The following FBXO4 variants were observed in gnomAD, a reference collection of about 807,000 sequenced individuals.
FBXO4 encodes F-box protein 4.
Under a neutral mutation model 43.7 loss-of-function variants are expected in FBXO4, and 36 were observed. That is an observed-to-expected ratio of 0.82 (90% CI 0.63 to 1.09). The LOEUF (loss-of-function observed/expected upper bound fraction) is 1.09, where lower values mean the gene tolerates loss of function less well. Ranked by LOEUF, FBXO4 falls within the 50% of genes least tolerant of loss-of-function variation. The pLI is 0.00. For missense variants in FBXO4, 435 were observed against 474.1 expected (o/e 0.92, Z 0.77); for synonymous variants, 180 against 165.6 (o/e 1.09, Z -0.67).
In FBXO4 at chr5:41,939,448, A is replaced by G; in HGVS notation, c.906A>G (p.Glu302=). Residue 302 remains glutamate (E), a synonymous_variant, in exon 6 of 7, where the codon GAA becomes GAG. Coordinates refer to ENST00000281623, the MANE Select transcript of FBXO4 (RefSeq NM_012176.3). The stretch of plus-strand genomic sequence containing the variant: ...TTGACTTACATTCCTTAGGACATGA[A>G]TGGCAAGATGAATTTTCTCATATTA... ...VANAEAHKRH[E]WQDEFSHIMA... The G allele has an allele frequency of 6.2e-7, 1 of 1,609,310 alleles. No individual in the cohort carries two copies.
the FBXO4 span, among the ~76,000 whole-genome samples, chr5:41,974,503 A>T: frequency 6.6e-6 from 1 of 151,802 alleles, no homozygotes; most frequent in East Asian, 1.9e-4. Context: ...ATCTATTTTT[A>T]AGTTTACTAA....
the FBXO4 span, among the ~76,000 whole-genome samples, chr5:42,028,692 C>T: frequency 1.3e-5 from 2 of 150,822 alleles, no homozygotes; most frequent in South Asian, 4.2e-4. Context: ...TTTGTGTATC[C>T]AATGTATCTT....
the FBXO4 span, among the ~76,000 whole-genome samples, chr5:42,027,127 A>T: frequency 2.6e-5 from 4 of 151,856 alleles, no homozygotes; most frequent in African/African-American, 9.7e-5. Context: ...GATTGGTATT[A>T]GTTATTCTTA....
the FBXO4 span, among the ~76,000 whole-genome samples, chr5:41,948,963 G>T: frequency 2.0e-5 from 3 of 152,040 alleles, no homozygotes; most frequent in Admixed American, 2.0e-4. Context: ...TGACAAAAAC[G>T]ACATGATTAT....
chr5:41,971,603 CATAAATCATCTAG>C, the FBXO4 span, among the ~76,000 whole-genome samples: 2 of 151,952 alleles, frequency 1.3e-5, no homozygotes, highest in Admixed American at 1.3e-4. Context: ...TCCATAGGGT[CATAAATCATCTAG>C]TGTCCTCATC....
chr5:41,930,877 C>T (rs181311677), intron 3 of FBXO4, among the ~76,000 whole-genome samples: 15 of 152,178 alleles, frequency 9.9e-5, no homozygotes, highest in Admixed American at 5.9e-4. Flanking sequence ...AGGATGGTCT[C>T]GATCTCATGA....
chr5:41,978,512 A>T, the FBXO4 span, among the ~76,000 whole-genome samples: 1 of 152,208 alleles, frequency 6.6e-6, no homozygotes, highest in Non-Finnish European at 1.5e-5. Flanking sequence ...CATTTTGGTA[A>T]GTGGTTTTTT....
At chr5:41,932,084 C>T (rs533445376) in intron 3 of FBXO4, among the ~76,000 whole-genome samples, 1 of 152,242 alleles carries the variant, frequency 6.6e-6, no homozygotes. Flanking sequence ...CAAAGGAACA[C>T]CTCAAGAAGA....
At chr5:42,021,461 A>G in the FBXO4 span, among the ~76,000 whole-genome samples, 1 of 152,180 alleles carries the variant, frequency 6.6e-6, no homozygotes, top group African/African-American at 2.4e-5. Context: ...AATTTGGGAC[A>G]GAGAATGGTA....
At chr5:41,987,945 G>T in the FBXO4 span, among the ~76,000 whole-genome samples, 1 of 152,158 alleles carries the variant, frequency 6.6e-6, no homozygotes, top group South Asian at 2.1e-4. Flanking sequence ...TTCCTGGTTT[G>T]ATAATGCCAA....
chr5:41,960,158 C>T, the FBXO4 span, among the ~76,000 whole-genome samples: 105 of 151,704 alleles, frequency 6.9e-4, no homozygotes, highest in African/African-American at 2.4e-3. Flanking sequence ...TTTTTATTTA[C>T]AGCTTTTTGT....
rs953348934 is a variant in FBXO4, at chr5:41,925,618, A to G, written c.189+120A>G. On this transcript the variant is annotated intron_variant, in intron 1 of 6. Transcript: ENST00000281623. ...CCCCGGCCTGGGTCTGGCTCCGTCC[A>G]TGCAGCCATTCCTGGCAGTGTAGTC... 3.4e-5 allele frequency: 23 copies of G among 676,780 alleles called. No homozygotes were observed. In the South Asian group the frequency reaches 1.0e-3, roughly 30 times the overall value. The allele number at this position is 676,780 out of a possible 1,614,324, so 41.9% of individuals were successfully genotyped here.
At chr5:42,014,683 T>C in the FBXO4 span, among the ~76,000 whole-genome samples, 4 of 152,238 alleles carry the variant, frequency 2.6e-5, no homozygotes, top group African/African-American at 9.6e-5. Flanking sequence ...GAGCACACAA[T>C]ACAAGAAAGC....
intron 3 of FBXO4, among the ~76,000 whole-genome samples, chr5:41,933,009 A>C (rs1163893676): frequency 1.3e-5 from 2 of 152,230 alleles, no homozygotes; most frequent in African/African-American, 4.8e-5. Flanking sequence ...TCACCCTACT[A>C]GGAGTTTTAC....
At chr5:41,940,194 T>G (rs1751969126) in intron 6 of FBXO4, among the ~76,000 whole-genome samples, 2 of 151,836 alleles carry the variant, frequency 1.3e-5, no homozygotes, top group Non-Finnish European at 2.9e-5. Context: ...TTTTATAATA[T>G]CAATGTATTA....
At chr5:42,022,947 A>G in the FBXO4 span, among the ~76,000 whole-genome samples, 2 of 152,118 alleles carry the variant, frequency 1.3e-5, no homozygotes, top group Admixed American at 1.3e-4. Flanking sequence ...AATTTGAACA[A>G]ATACAGGGTT....
At chr5:42,039,923 C>T in the FBXO4 span, among the ~76,000 whole-genome samples, 91 of 152,162 alleles carry the variant, frequency 6.0e-4, no homozygotes, top group African/African-American at 2.2e-3. Flanking sequence ...TAGAAGCATC[C>T]TGCCCTGAGT....
the FBXO4 span, among the ~76,000 whole-genome samples, chr5:42,011,794 T>C: frequency 6.6e-6 from 1 of 152,208 alleles, no homozygotes. Context: ...TATTTTCTAA[T>C]TGTACAAATA....
chr5:41,982,357 G>C, the FBXO4 span, among the ~76,000 whole-genome samples: 1 of 152,122 alleles, frequency 6.6e-6, no homozygotes, highest in African/African-American at 2.4e-5. Context: ...CTAGTTTACA[G>C]TCCCACCAAC....
Sources: allele counts gnomAD v4.1 joint callset (sites outside exome capture counted in the v4.1 genomes callset), GRCh38; gene constraint gnomAD v4.1.1; transcripts MANE v1.5; gene names NCBI Gene and HGNC (gene_info 2026-07-23, HGNC 2026-07-21).